Variants in NCALD observed in about 807,000 individuals in gnomAD.
The protein encoded by NCALD is neurocalcin delta.
In NCALD, 10 loss-of-function variants were observed where a neutral mutation model predicts 18.6. The ratio of observed to expected loss-of-function variants is 0.54; its 90% CI spans 0.33 to 0.91. The LOEUF is 0.91. NCALD is among the 40% of genes least tolerant of loss of function. NCALD has a pLI of 0.03. For synonymous variants in NCALD, 88 were observed against 87.4 expected (o/e 1.01, Z -0.04); for missense variants, 184 against 247.6 (o/e 0.74, Z 1.72).
At chr8:101,906,227 A>G (rs1367335608) in intron 3 of NCALD, among the ~76,000 whole-genome samples, 1 of 152,028 alleles carries the variant, frequency 6.6e-6, no homozygotes, top group Non-Finnish European at 1.5e-5. Context: ...CATTTCCCTC[A>G]CTTCTTACAG....
intron 4 of NCALD, among the ~76,000 whole-genome samples, chr8:101,818,419 G>A (rs573825406): frequency 4.6e-5 from 7 of 152,068 alleles, no homozygotes; most frequent in Non-Finnish European, 7.4e-5. Context: ...GAGAGCACAC[G>A]GCACTCACCT....
chr8:101,721,845 TC>T (rs1816371954), intron 1 of NCALD, among the ~76,000 whole-genome samples: 1 of 147,916 alleles, frequency 6.8e-6, no homozygotes, highest in Non-Finnish European at 1.5e-5. Context: ...CTTTTTGGGT[TC>T]CCCCTGCCTT....
chr8:101,911,361 CTTT>C (rs56017823), intron 3 of NCALD, among the ~76,000 whole-genome samples: 3 of 137,690 alleles, frequency 2.2e-5, no homozygotes, highest in African/African-American at 5.3e-5. Context: ...TTTTTCTTTT[CTTT>C]TTTTTTTTTT....
At chr8:101,897,586 T>C (rs932367873) in intron 3 of NCALD, among the ~76,000 whole-genome samples, 1 of 152,134 alleles carries the variant, frequency 6.6e-6, no homozygotes, top group Non-Finnish European at 1.5e-5. Context: ...TTGTTTCCAG[T>C]GTTGGGCTAT....
intron 1 of NCALD, among the ~76,000 whole-genome samples, chr8:102,068,193 G>T (rs1364839672): frequency 1.3e-5 from 2 of 152,164 alleles, no homozygotes; most frequent in Non-Finnish European, 2.9e-5. Context: ...GCTGGACACC[G>T]ACTGACAGGC....
intron 2 of NCALD, among the ~76,000 whole-genome samples, chr8:101,994,753 G>A (rs1341971263): frequency 6.6e-6 from 1 of 152,224 alleles, no homozygotes; most frequent in African/African-American, 2.4e-5. Context: ...TGATGAAATA[G>A]AATAGAGTAG....
At chr8:101,876,950 G>T (rs1224970397) in intron 4 of NCALD, among the ~76,000 whole-genome samples, 1 of 152,120 alleles carries the variant, frequency 6.6e-6, no homozygotes, top group Non-Finnish European at 1.5e-5. Context: ...TTCTCCCCTG[G>T]CTAGGATATA....
intron 2 of NCALD, among the ~76,000 whole-genome samples, chr8:101,967,008 T>C (rs1820056501): frequency 6.6e-6 from 1 of 152,214 alleles, no homozygotes; most frequent in African/African-American, 2.4e-5. Flanking sequence ...TTAGAATATA[T>C]ACGTGTGTGT....
chr8:101,993,327 GC>G (rs1821122249), intron 2 of NCALD, among the ~76,000 whole-genome samples: 2 of 152,086 alleles, frequency 1.3e-5, no homozygotes, highest in Admixed American at 6.5e-5. Flanking sequence ...TGCCCACAGC[GC>G]CTAACAAGGG....
intron 1 of NCALD, chr8:102,070,253 C>A (rs1824138999): frequency 6.6e-6 from 1 of 152,056 alleles, no homozygotes; most frequent in Admixed American, 6.5e-5. Context: ...CACAAAATTA[C>A]TTCTAGAACA....
At chr8:101,915,334 C>G (rs1434673686) in intron 3 of NCALD, among the ~76,000 whole-genome samples, 3 of 152,154 alleles carry the variant, frequency 2.0e-5, no homozygotes, top group African/African-American at 7.2e-5. Flanking sequence ...ATTAATTCAC[C>G]CACACGTTCA....
chr8:102,103,319 C>G (rs774864866), intron 1 of NCALD, among the ~76,000 whole-genome samples: 1 of 152,132 alleles, frequency 6.6e-6, no homozygotes, highest in African/African-American at 2.4e-5. Flanking sequence ...AGGATGGGCA[C>G]AGTTCTAATA....
At chr8:101,734,211 C>T (rs1816974173) in intron 1 of NCALD, among the ~76,000 whole-genome samples, 1 of 152,204 alleles carries the variant, frequency 6.6e-6, no homozygotes, top group African/African-American at 2.4e-5. Flanking sequence ...CCTGAAACGC[C>T]CTCCTTTCCA....
chr8:101,734,028 T>C (rs1243932762), intron 1 of NCALD, among the ~76,000 whole-genome samples: 1 of 152,150 alleles, frequency 6.6e-6, no homozygotes, highest in Non-Finnish European at 1.5e-5. Context: ...ACAGCAACCG[T>C]GTGATGCTTG....
At chr8:101,904,260 C>A (rs910980661) in intron 3 of NCALD, among the ~76,000 whole-genome samples, 1 of 152,164 alleles carries the variant, frequency 6.6e-6, no homozygotes, top group African/African-American at 2.4e-5. Context: ...CCTGTGCAAT[C>A]AGCAAAGAAG....
At chr8:101,817,612 A>G (rs181031852) in intron 4 of NCALD, among the ~76,000 whole-genome samples, 15 of 152,142 alleles carry the variant, frequency 9.9e-5, no homozygotes. Context: ...TGATAGATAC[A>G]TTTTACTGTC....
Position 102,036,775 on chromosome 8 carries a change from A to G in NCALD, c.-209-16486T>C, listed in dbSNP as rs182620893. On this transcript the variant is annotated intron_variant, in intron 1 of 6. Transcript: ENST00000311028. ...GGGTGATATCTCAAAAAACAACAAC[A>G]ACAACAAAAAAATATAAAATATAAG... Among the ~76,000 whole-genome samples, 1,572 of 151,190 alleles carry G rather than the reference A, an allele frequency of 0.01. 63 individuals are homozygous for G. The East Asian group carries it at 0.12, about 11-fold the overall frequency.
intron 1 of NCALD, among the ~76,000 whole-genome samples, chr8:101,760,224 C>T (rs181910264): frequency 6.6e-6 from 1 of 152,292 alleles, no homozygotes; most frequent in Admixed American, 6.5e-5. Flanking sequence ...TCCACTCCTC[C>T]CACGCTGTTT....
intron 4 of NCALD, among the ~76,000 whole-genome samples, chr8:101,857,026 C>T (rs1444356599): frequency 6.6e-6 from 1 of 152,150 alleles, no homozygotes; most frequent in African/African-American, 2.4e-5. Flanking sequence ...GACTCTCTTC[C>T]CCACCGTGCT....
Sources: gnomAD v4.1 joint callset for allele counts (sites outside exome capture counted in the v4.1 genomes callset) on GRCh38, gnomAD v4.1.1 for gene constraint, MANE v1.5 for transcripts, NCBI Gene and HGNC (gene_info 2026-07-23, HGNC 2026-07-21) for gene names.